The following IL34 variants were observed in gnomAD, a reference collection of about 807,000 sequenced individuals.
The protein encoded by IL34 is interleukin-34.
IL34 carries 17 observed loss-of-function variants against 25.3 expected under a neutral mutation model. That is an observed-to-expected ratio of 0.67 (90% CI 0.46 to 1.01). The LOEUF is 1.01. IL34 is among the 50% of genes least tolerant of loss of function. The pLI, the probability that IL34 is intolerant of heterozygous loss-of-function variation, is 0.00. For missense variants in IL34, 368 were observed against 312.9 expected (o/e 1.18, Z -1.33); for synonymous variants, 174 against 140.9 (o/e 1.23, Z -1.66).
chr16:70,658,537 A>C (rs2052293839), intron 4 of IL34, among the ~76,000 whole-genome samples: 1 of 151,554 alleles, frequency 6.6e-6, no homozygotes, highest in Non-Finnish European at 1.5e-5. Flanking sequence ...GGTGCATTGC[A>C]GTGGGGCAAT....
At chr16:70,581,585 T>C (rs1296276961) in intron 1 of IL34, among the ~76,000 whole-genome samples, 2 of 152,090 alleles carry the variant, frequency 1.3e-5, no homozygotes, top group Non-Finnish European at 2.9e-5. Context: ...TCCAGGGCCA[T>C]GGTGGCAGAA....
At chr16:70,653,238 T>A (rs1049754360) in intron 1 of IL34, among the ~76,000 whole-genome samples, 2 of 150,898 alleles carry the variant, frequency 1.3e-5, no homozygotes, top group Non-Finnish European at 2.9e-5. Context: ...GGAAGCTGGG[T>A]GTAGTGGCAC....
At chr16:70,654,806 C>T (rs919355546) in intron 2 of IL34, 135 bp downstream of exon 2, 3 of 1,157,376 alleles carry the variant, frequency 2.6e-6, no homozygotes, top group Non-Finnish European at 3.6e-6. Flanking sequence ...CTCTGCCTTT[C>T]TCCGAAACCT....
chr16:70,659,769 G>T lies in IL34; in HGVS notation c.538+16G>T, dbSNP rs1315293487. The T allele has an allele frequency of 6.3e-7, 1 of 1,585,580 alleles. No homozygotes were observed. The highest frequency in any genetic ancestry group is 8.6e-7 in the Non-Finnish European group (1 of 1,161,300). On this transcript the variant is annotated intron_variant, in intron 5 of 5. Coordinates refer to ENST00000288098, the MANE Select transcript of IL34 (RefSeq NM_001393494.1). ...TGCTCCTGCTGTAAGGAGCTCTCAGGGGATGGCGCCTGGGGGTGGGAGGCC... is the reference window on the plus strand; with the variant it reads ...TGCTCCTGCTGTAAGGAGCTCTCAGTGGATGGCGCCTGGGGGTGGGAGGCC...
At chr16:70,585,493 C>T (rs1365627561) in intron 1 of IL34, among the ~76,000 whole-genome samples, 1 of 152,008 alleles carries the variant, frequency 6.6e-6, no homozygotes, top group Non-Finnish European at 1.5e-5. Flanking sequence ...TGAGACCATC[C>T]TGGCCAACAT....
chr16:70,613,069 G>A (rs11646648), intron 1 of IL34, among the ~76,000 whole-genome samples: 9 of 152,160 alleles, frequency 5.9e-5, no homozygotes, highest in Non-Finnish European at 1.2e-4. Context: ...CACTGTGCCC[G>A]GCCTCAGACC....
chr16:70,632,369 CT>C (rs1370398459), intron 1 of IL34, among the ~76,000 whole-genome samples: 2 of 152,176 alleles, frequency 1.3e-5, no homozygotes, highest in African/African-American at 4.8e-5. Context: ...GTCTAGGCTT[CT>C]ACCATGAAGC....
At chr16:70,587,826 G>A (rs953715128) in intron 1 of IL34, among the ~76,000 whole-genome samples, 2 of 152,050 alleles carry the variant, frequency 1.3e-5, no homozygotes, top group Non-Finnish European at 2.9e-5. Context: ...ATCACTTGAG[G>A]CCAAGAGTTT....
chr16:70,601,883 G>A (rs1397662143), intron 1 of IL34, among the ~76,000 whole-genome samples: 1 of 152,250 alleles, frequency 6.6e-6, no homozygotes, highest in Admixed American at 6.5e-5. Flanking sequence ...ACACTGAGCT[G>A]CCAGTCCCAG....
intron 1 of IL34, 101 bp downstream of exon 1, chr16:70,647,076 A>C: frequency 9.3e-7 from 1 of 1,073,148 alleles, no homozygotes; most frequent in Non-Finnish European, 1.3e-6. Flanking sequence ...GCTGGTGAGA[A>C]GTTGCGATGC....
intron 1 of IL34, among the ~76,000 whole-genome samples, chr16:70,636,643 A>G (rs1258158270): frequency 6.7e-6 from 1 of 150,124 alleles, no homozygotes; most frequent in African/African-American, 2.5e-5. Flanking sequence ...TTAGCTGGGC[A>G]TGATTGAGTG....
intron 1 of IL34, among the ~76,000 whole-genome samples, chr16:70,582,007 G>A (rs1008887445): frequency 3.9e-5 from 6 of 152,208 alleles, no homozygotes; most frequent in African/African-American, 9.6e-5. Flanking sequence ...TCTAGCATAA[G>A]GTCTGGTGCT....
chr16:70,595,419 C>T (rs1286314884), intron 1 of IL34, among the ~76,000 whole-genome samples: 1 of 152,208 alleles, frequency 6.6e-6, no homozygotes, highest in South Asian at 2.1e-4. Flanking sequence ...CTCCTAGGTT[C>T]AATTAATCCT....
chr16:70,659,527 T>TGGGC (rs1040421775), intron 4 of IL34, 91 bp from the exon 5 acceptor site: 256 of 1,457,278 alleles, frequency 1.8e-4, no homozygotes, highest in Non-Finnish European at 2.2e-4. Context: ...TTCCGGGGTT[T>TGGGC]GGGCAGCTCC....
chr16:70,657,262 T>G, intron 4 of IL34, 141 bp downstream of exon 4: 3 of 858,434 alleles, frequency 3.5e-6, no homozygotes, highest in South Asian at 3.6e-5. Context: ...GTGGGAGAAG[T>G]GGGGGAGGGG....
chr16:70,645,089 G>A (rs578242093), upstream of IL34, among the ~76,000 whole-genome samples: 3 of 141,048 alleles, frequency 2.1e-5, no homozygotes, highest in South Asian at 7.6e-4. Flanking sequence ...GGGAAGAGTA[G>A]GAAGGAGGAG....
intron 1 of IL34, among the ~76,000 whole-genome samples, chr16:70,638,690 C>T (rs911845848): frequency 6.6e-6 from 1 of 152,070 alleles, no homozygotes; most frequent in African/African-American, 2.4e-5. Flanking sequence ...TTGGACCTCC[C>T]GGGGTCAAGC....
Position 70,660,569 on chromosome 16 carries a change from C to T in IL34, c.*382C>T, listed in dbSNP as rs765118706. 1.5e-4 allele frequency: 29 copies of T among 191,386 alleles called. No homozygotes were observed. The highest frequency in any genetic ancestry group is 2.3e-4 in the Non-Finnish European group (22 of 94,028). The allele number at this position is 191,386 out of a possible 1,614,324, so 11.9% of individuals were successfully genotyped here. On this transcript the variant is annotated 3_prime_UTR_variant, in exon 6 of 6. Coordinates refer to ENST00000288098, the MANE Select transcript of IL34 (RefSeq NM_001393494.1). ...GCACGGCGTGGCCATTCTATGACCC[C>T]CCAGCCTGGCAGACTGGGGAGCTGG...
intron 1 of IL34, among the ~76,000 whole-genome samples, chr16:70,587,439 T>A (rs567829243): frequency 2.0e-5 from 3 of 152,112 alleles, no homozygotes; most frequent in South Asian, 2.1e-4. Context: ...CCAGCTAATT[T>A]TTTATATTTT....
Sources: gnomAD v4.1 joint callset for allele counts (sites outside exome capture counted in the v4.1 genomes callset) on GRCh38, gnomAD v4.1.1 for gene constraint, MANE v1.5 for transcripts, NCBI Gene and HGNC (gene_info 2026-07-23, HGNC 2026-07-21) for gene names.